Variants in NAA38 observed in about 807,000 individuals in gnomAD.
NAA38 encodes LSM domain containing 1.
A neutral mutation model predicts 12.6 loss-of-function variants in NAA38; 15 were observed. The ratio of observed to expected loss-of-function variants is 1.19; its 90% CI spans 0.79 to 1.83. The LOEUF is 1.83. Among genes scored for constraint, NAA38 ranks in the 40% most tolerant of loss-of-function variants. The pLI, the probability that NAA38 is intolerant of heterozygous loss-of-function variation, is 0.00. For synonymous variants in NAA38, 88 were observed against 69.9 expected (o/e 1.26, Z -1.29); for missense variants, 183 against 171.7 (o/e 1.07, Z -0.37).
chr17:7,859,710 C>G, upstream of NAA38: 10 of 1,043,384 alleles, frequency 9.6e-6, no homozygotes, highest in Non-Finnish European at 1.5e-5. Context: ...GTGCCTGGAC[C>G]CAGATCTCCA....
intron 2 of NAA38, chr17:7,877,166 A>G (rs1967188806): frequency 3.9e-6 from 1 of 253,728 alleles, no homozygotes; most frequent in South Asian, 3.3e-5. Flanking sequence ...TTTTGTTTAC[A>G]TAAATAATAA....
At chr17:7,857,575 C>A, upstream of NAA38, 1 of 1,401,598 alleles carries the variant, frequency 7.1e-7, no homozygotes, top group East Asian at 2.7e-5. Context: ...ATCCCCTCTC[C>A]TCCCCCTCCT....
In NAA38 at chr17:7,857,208, G is replaced by T. The variant is rs2078828960; in HGVS notation, c.82-10C>A. On this transcript the variant is annotated splice_polypyrimidine_tract_variant and intron_variant, in intron 1 of 2. Transcript: ENST00000575771. ...GCTCTCCGTCCGAATCCTGCGCGGG[G>T]TGTAACAAGCGCTCAGACCGCGCAG... 1 of 1,612,808 alleles carries T rather than the reference G, an allele frequency of 6.2e-7. No homozygotes were observed. The highest frequency in any genetic ancestry group is 1.3e-5 in the African/African-American group (1 of 74,942).
intron 1 of NAA38, chr17:7,884,811 C>T: frequency 1.3e-6 from 1 of 749,700 alleles, no homozygotes; most frequent in Non-Finnish European, 1.9e-6. Context: ...CACAGGATGG[C>T]TTCCCCTCTG....
At chr17:7,874,250 G>A (rs1365821070) in intron 2 of NAA38, among the ~76,000 whole-genome samples, 1 of 152,152 alleles carries the variant, frequency 6.6e-6, no homozygotes, top group Non-Finnish European at 1.5e-5. Context: ...GGGCTAGAAG[G>A]ATAGAAAGTT....
At chr17:7,878,988 T>C (rs1361940747) in intron 2 of NAA38, among the ~76,000 whole-genome samples, 3 of 150,876 alleles carry the variant, frequency 2.0e-5, no homozygotes, top group African/African-American at 7.3e-5. Flanking sequence ...TAAGCATATA[T>C]ACATATATTT....
At chr17:7,862,935 A>G (rs1000617531), upstream of NAA38, 7 of 152,076 alleles carry the variant, frequency 4.6e-5, no homozygotes, top group Non-Finnish European at 1.0e-4. Flanking sequence ...GGGGGAGGGA[A>G]GGACAAGAAA....
rs1250230056 is a variant in NAA38, at chr17:7,857,052, G to A, written c.228C>T (p.Val76=). 1.9e-6 allele frequency: 3 copies of A among 1,612,576 alleles called. No homozygotes were observed. The highest frequency in any genetic ancestry group is 2.2e-5 in the South Asian group (2 of 91,066). ...CFLCTDRDCN[V]ILGSAQEFLK... ...GGAACTCCTGCGCCGAGCCCAGGAT[G>A]ACATTGCAGTCACGGTCAGTGCAGA... Residue 76 remains valine, a synonymous_variant, in exon 2 of 3, where the codon GTC becomes GTT. Coordinates refer to ENST00000575771, the MANE Select transcript of NAA38 (RefSeq NM_001320925.4).
At chr17:7,871,483 T>C (rs995013942) in intron 2 of NAA38, among the ~76,000 whole-genome samples, 5 of 152,184 alleles carry the variant, frequency 3.3e-5, no homozygotes, top group African/African-American at 1.2e-4. Flanking sequence ...TATTGTTGAT[T>C]TCTATGACAT....
upstream of NAA38, chr17:7,858,973 T>A: frequency 1.4e-6 from 1 of 706,470 alleles, no homozygotes; most frequent in Non-Finnish European, 2.2e-6. Flanking sequence ...GCACAGCACC[T>A]AGGTCCCCAG....
chr17:7,860,760 G>C (rs2078877091), upstream of NAA38: 1 of 152,222 alleles, frequency 6.6e-6, no homozygotes, highest in Non-Finnish European at 1.5e-5. Context: ...GTGGCGAAGA[G>C]GAGGCAAGGA....
intron 3 of NAA38, chr17:7,866,083 CTTTTTTTTTTTT>C (rs555845058): frequency 1.6e-5 from 2 of 122,464 alleles, no homozygotes; most frequent in African/African-American, 6.1e-5. Flanking sequence ...CCATGGGGAA[CTTTTTTTTTTTT>C]TTTTTTTTTG....
upstream of NAA38, chr17:7,858,918 G>A (rs998598791): frequency 6.8e-6 from 8 of 1,178,908 alleles, no homozygotes; most frequent in South Asian, 3.3e-5. Flanking sequence ...TCCATAACCG[G>A]TGGGAGTGTA....
chr17:7,856,703 G>T lies in NAA38; in HGVS notation c.*28C>A, dbSNP rs1049471486. Reference sequence around the variant, plus strand: ...AGGCCCATTCGGTCATAAGTTTAATGAAGTCTGAAAGGTAAGCGCCATCGT... The same window carrying T: ...AGGCCCATTCGGTCATAAGTTTAATTAAGTCTGAAAGGTAAGCGCCATCGT... On this transcript the variant is annotated 3_prime_UTR_variant, in exon 3 of 3. Transcript: ENST00000575771. 1 of 1,576,110 alleles carries T rather than the reference G, an allele frequency of 6.3e-7. No individual in the cohort carries two copies.
At chr17:7,869,959 C>T (rs1042264791) in intron 2 of NAA38, among the ~76,000 whole-genome samples, 2 of 152,122 alleles carry the variant, frequency 1.3e-5, no homozygotes, top group African/African-American at 4.8e-5. Flanking sequence ...GGCTTGAAAA[C>T]AGATGAAAAG....
chr17:7,863,478 A>G (rs1966908863), intron 3 of NAA38: 1 of 152,198 alleles, frequency 6.6e-6, no homozygotes, highest in Non-Finnish European at 1.5e-5. Context: ...ATAAAGAGGC[A>G]TATGTTCCTT....
chr17:7,881,613 G>T (rs1463688603), intron 2 of NAA38, among the ~76,000 whole-genome samples: 1 of 151,490 alleles, frequency 6.6e-6, no homozygotes, highest in East Asian at 1.9e-4. Flanking sequence ...GAAGACTAAA[G>T]AGAGAAAAGC....
chr17:7,858,707 C>T, upstream of NAA38: 1 of 1,610,874 alleles, frequency 6.2e-7, no homozygotes, highest in Non-Finnish European at 8.5e-7. Context: ...CGGACTGGGC[C>T]AACGATTTTG....
At chr17:7,884,751 T>TGGGGGAGGCGGGCGGGCGGTGGGTGG in intron 1 of NAA38, 1 of 69,104 alleles carries the variant, frequency 1.4e-5, no homozygotes, top group Non-Finnish European at 2.5e-5. Context: ...GTGGTAGCGG[T>TGGGGGAGGCGGGCGGGCGGTGGGTGG]GGGGGAGGCG....
Sources: allele counts gnomAD v4.1 joint callset (sites outside exome capture counted in the v4.1 genomes callset), GRCh38; gene constraint gnomAD v4.1.1; transcripts MANE v1.5; gene names NCBI Gene and HGNC (gene_info 2026-07-23, HGNC 2026-07-21).